Variants in COL4A2 observed in about 807,000 individuals in gnomAD.
COL4A2 encodes collagen alpha-2(IV) chain.
In COL4A2, 99 loss-of-function variants were observed where a neutral mutation model predicts 200.2. The observed-to-expected ratio is 0.49, with a 90% CI of 0.42 to 0.58. The LOEUF is 0.58. COL4A2 is among the 20% of genes least tolerant of loss of function. The pLI is 0.00. For synonymous variants in COL4A2, 897 were observed against 900.6 expected (o/e 1.00, Z 0.07); for missense variants, 1,950 against 2,314.1 (o/e 0.84, Z 3.23).
chr13:110,444,484 T>C (rs1339160137), intron 16 of COL4A2, among the ~76,000 whole-genome samples: 1 of 152,210 alleles, frequency 6.6e-6, no homozygotes, highest in South Asian at 2.1e-4. Flanking sequence ...AAGTTTGTCT[T>C]TACTTTTGAG....
At chr13:110,484,183 T>C (rs1236221712) in intron 32 of COL4A2, among the ~76,000 whole-genome samples, 1 of 152,126 alleles carries the variant, frequency 6.6e-6, no homozygotes, top group East Asian at 1.9e-4. Flanking sequence ...AAGTTAACCA[T>C]GGGGGTGTCT....
At chr13:110,493,562 T>C (rs1883357063) in intron 39 of COL4A2, among the ~76,000 whole-genome samples, 1 of 152,186 alleles carries the variant, frequency 6.6e-6, no homozygotes, top group Non-Finnish European at 1.5e-5. Flanking sequence ...CCTTGCTTTT[T>C]CAGCAGCACC....
chr13:110,432,368 G>A lies in COL4A2; in HGVS notation c.684+8G>A, dbSNP rs200682990. The A allele has an allele frequency of 9.0e-5, 144 of 1,604,830 alleles. 2 individuals carry two copies. The East Asian group carries it at 1.9e-3, about 21-fold the overall frequency. On this transcript the variant is annotated splice_region_variant and intron_variant, in intron 11 of 47. Coordinates refer to ENST00000360467, the MANE Select transcript of COL4A2 (RefSeq NM_001846.4). ...GGACCAAAAGGACAGCAAGTAAGTT[G>A]GTTTTGGGGGGTGAGGATGAGGGAA... is the stretch of plus-strand genomic sequence containing the variant.
chr13:110,396,795 A>G (rs1879197297), intron 4 of COL4A2, among the ~76,000 whole-genome samples: 2 of 152,224 alleles, frequency 1.3e-5, no homozygotes, highest in African/African-American at 4.8e-5. Context: ...ACCAGCATCA[A>G]ATTGTAGAGA....
At chr13:110,464,686 G>A (rs1882162568) in intron 24 of COL4A2, among the ~76,000 whole-genome samples, 1 of 152,216 alleles carries the variant, frequency 6.6e-6, no homozygotes, top group African/African-American at 2.4e-5. Flanking sequence ...CTGCCTCATT[G>A]TCATGAGAAC....
intron 16 of COL4A2, among the ~76,000 whole-genome samples, chr13:110,443,335 A>G (rs1881205542): frequency 6.6e-6 from 1 of 152,230 alleles, no homozygotes; most frequent in South Asian, 2.1e-4. Flanking sequence ...TCACACCACG[A>G]GAGACAGCAG....
intron 45 of COL4A2, among the ~76,000 whole-genome samples, chr13:110,505,547 T>C (rs2139556664): frequency 6.6e-6 from 1 of 152,024 alleles, no homozygotes; most frequent in African/African-American, 2.4e-5. Flanking sequence ...GGAAGTGTCC[T>C]GGGAGAAAGG....
intron 4 of COL4A2, among the ~76,000 whole-genome samples, chr13:110,379,083 T>C (rs1306659272): frequency 6.6e-6 from 1 of 152,212 alleles, no homozygotes; most frequent in Non-Finnish European, 1.5e-5. Context: ...CCTTCTGCTC[T>C]TAGGTGGCTG....
intron 20 of COL4A2, among the ~76,000 whole-genome samples, chr13:110,451,249 G>A (rs1464071627): frequency 6.6e-6 from 1 of 152,232 alleles, no homozygotes; most frequent in African/African-American, 2.4e-5. Context: ...AGCATTCAGA[G>A]AGTTATGCTT....
Position 110,451,076 on chromosome 13 carries a change from C to T in COL4A2, c.1339+622C>T, listed in dbSNP as rs531454429. On this transcript the variant is annotated intron_variant, in intron 20 of 47. Transcript: ENST00000360467. ...AGCCGGCAGGCACAGGAGTGTGGAC[C>T]CACCTGCCACCCAGTAGTGCATCCC... is the stretch of plus-strand genomic sequence containing the variant. Among the ~76,000 whole-genome samples, 5 of 152,312 alleles carry T rather than the reference C, an allele frequency of 3.3e-5. No individual in the cohort carries two copies. In the South Asian group the frequency reaches 6.2e-4, roughly 19 times the overall value.
chr13:110,508,205 G>A lies in COL4A2; in HGVS notation c.4865G>A (p.Gly1622Glu). Reference protein sequence around the residue: ...CPAGWRSLWIGYSFLMHTAAG... With the variant: ...CPAGWRSLWIEYSFLMHTAAG... ...GCTGGGTGGCGGAGTTTGTGGATCGGATATTCCTTCCTCATGGTATGTGGT... is the reference window on the plus strand; with the variant it reads ...GCTGGGTGGCGGAGTTTGTGGATCGAATATTCCTTCCTCATGGTATGTGGT... The change falls in exon 47 of 48, where the codon GGA becomes GAA. Residue 1622 changes from glycine (G) to glutamate (E), a missense_variant. Physicochemically the swap from Gly to Glu is moderately conservative, Grantham distance 98. Coordinates refer to ENST00000360467, the MANE Select transcript of COL4A2 (RefSeq NM_001846.4). The surrounding 1 kb of genome is among the most constrained non-coding windows in gnomAD (Gnocchi z 6.1). 1 of 1,614,082 alleles carries A rather than the reference G, an allele frequency of 6.2e-7. No homozygotes were observed. The highest frequency in any genetic ancestry group is 8.5e-7 in the Non-Finnish European group (1 of 1,179,902).
chr13:110,448,227 A>G (rs1400381190), intron 18 of COL4A2, among the ~76,000 whole-genome samples: 1 of 152,224 alleles, frequency 6.6e-6, no homozygotes, highest in Non-Finnish European at 1.5e-5. Flanking sequence ...TGAGATTTTA[A>G]GAACATAATT....
intron 3 of COL4A2, among the ~76,000 whole-genome samples, chr13:110,355,481 G>A (rs1165468941): frequency 2.8e-4 from 28 of 99,458 alleles, no homozygotes; most frequent in African/African-American, 1.0e-3. Context: ...TCACCTGTGT[G>A]TGTGGGGGAG....
At chr13:110,394,564 C>A (rs966380248) in intron 4 of COL4A2, among the ~76,000 whole-genome samples, 1 of 152,192 alleles carries the variant, frequency 6.6e-6, no homozygotes, top group Non-Finnish European at 1.5e-5. Flanking sequence ...ATGTTCATTT[C>A]CTAACTCGTG....
At chr13:110,444,183 A>G (rs1232926045) in intron 16 of COL4A2, among the ~76,000 whole-genome samples, 1 of 152,188 alleles carries the variant, frequency 6.6e-6, no homozygotes, top group Non-Finnish European at 1.5e-5. Flanking sequence ...CAGATGGTTC[A>G]AAGTGCCCAT....
intron 4 of COL4A2, among the ~76,000 whole-genome samples, chr13:110,420,351 C>A (rs6492269): frequency 0.098 from 14,977 of 152,200 alleles, 896 homozygotes; most frequent in African/African-American, 0.18. Context: ...AGAAGCAGTT[C>A]AACGATACTG....
intron 30 of COL4A2, among the ~76,000 whole-genome samples, chr13:110,478,823 A>G (rs557890591): frequency 1.3e-5 from 2 of 152,350 alleles, no homozygotes; most frequent in African/African-American, 4.8e-5. Flanking sequence ...TATGTCACCA[A>G]AGGACACCGT....
rs192790954 is a variant in COL4A2 at position 110,512,803 on chromosome 13, C to G, written c.*612C>G. The G allele has an allele frequency of 6.5e-6, 1 of 152,876 alleles. No homozygotes were observed. 9.5% of individuals were successfully genotyped at this position (152,876 alleles called of 1,614,324 possible). A position where few individuals can be genotyped will look rare whatever the true frequency, so the allele number is the denominator to read the frequency against. On this transcript the variant is annotated 3_prime_UTR_variant, in exon 48 of 48. Transcript: ENST00000360467. ...CATTCTTTTGCCACATCCCTATAGACCACTGGGTTTGGCAAAACTCAGGCA... is the reference window on the plus strand; with the variant it reads ...CATTCTTTTGCCACATCCCTATAGAGCACTGGGTTTGGCAAAACTCAGGCA...
intron 39 of COL4A2, 129 bp from the exon 40 acceptor site, chr13:110,495,213 C>A: frequency 1.8e-6 from 2 of 1,088,722 alleles, no homozygotes; most frequent in South Asian, 1.3e-5. Flanking sequence ...TATTGCAATG[C>A]AAGCTGAAAT....
Sources: allele counts gnomAD v4.1 joint callset (sites outside exome capture counted in the v4.1 genomes callset), GRCh38; gene constraint gnomAD v4.1.1; non-coding constraint Gnocchi (gnomAD v3.1); transcripts MANE v1.5; gene names NCBI Gene and HGNC (gene_info 2026-07-23, HGNC 2026-07-21).